Variants in SSC5D observed in about 807,000 individuals in gnomAD.
SSC5D encodes soluble scavenger receptor cysteine-rich domain-containing protein SSC5D.
Under a neutral mutation model 104.6 loss-of-function variants are expected in SSC5D, and 106 were observed. That is an observed-to-expected ratio of 1.01 (90% CI 0.87 to 1.19). The LOEUF (loss-of-function observed/expected upper bound fraction) is 1.19, where lower values mean the gene tolerates loss of function less well. Ranked by LOEUF, SSC5D falls within the 50% of genes most tolerant of loss-of-function variation. The pLI is 0.00. For synonymous variants in SSC5D, 860 were observed against 883.5 expected (o/e 0.97, Z 0.47); for missense variants, 1,993 against 2,153.8 (o/e 0.93, Z 1.48).
intron 6 of SSC5D, chr19:55,492,537 A>T (rs1987179045): frequency 6.6e-6 from 1 of 152,010 alleles, no homozygotes; most frequent in African/African-American, 2.4e-5. Context: ...TTTAATTCTC[A>T]TGGCAACCCC....
intron 8 of SSC5D, among the ~76,000 whole-genome samples, chr19:55,497,142 C>T (rs919056017): frequency 4.6e-5 from 7 of 152,228 alleles, no homozygotes; most frequent in African/African-American, 1.2e-4. Flanking sequence ...ACCTTCTCCT[C>T]GTTGTGTGTC....
intron 8 of SSC5D, 34 bp from the exon 9 acceptor site, chr19:55,497,846 C>T (rs1273338772): frequency 8.1e-6 from 12 of 1,486,988 alleles, no homozygotes; most frequent in East Asian, 5.0e-5. Flanking sequence ...GGCGGCTTCC[C>T]CGACTCTAAT....
chr19:55,490,191 A>AG, intron 4 of SSC5D, 107 bp from the exon 5 acceptor site: 1 of 621,512 alleles, frequency 1.6e-6, no homozygotes, highest in South Asian at 1.9e-5. Flanking sequence ...TTCATAGCCT[A>AG]GGGAGTCCTC....
chr19:55,505,897 C>A lies in SSC5D; in HGVS notation c.2785+4696C>A, dbSNP rs569255731. Among the ~76,000 whole-genome samples the A allele has an allele frequency of 9.9e-5, 15 of 151,700 alleles. No individual in the cohort carries two copies. The East Asian group carries it at 2.3e-3, about 23-fold the overall frequency. ...GATTACAGGCGTGTGCCACCACTCC[C>A]GGCTAATTTTTGTATTTTTAGTAGA... On this transcript the variant is annotated intron_variant, in intron 12 of 13. Transcript: ENST00000389623.
At position 55,501,000 on chromosome 19, in the gene SSC5D, G is replaced by A. The variant is rs888736592; in HGVS notation, c.2618-34G>A. The A allele has an allele frequency of 3.9e-6, 6 of 1,550,220 alleles. No homozygotes were observed. The highest frequency in any genetic ancestry group is 1.7e-4 in the Middle Eastern group (1 of 5,990). ...AGCAGCAAGGACCTCTGAGAAAGAG[G>A]ATGGGGTCAACCATTACCCCAATTT... On this transcript the variant is annotated intron_variant, in intron 11 of 13. Transcript: ENST00000389623. This position sits in a 1 kb window ranked among gnomAD's most constrained non-coding sequence, Gnocchi z 4.6.
chr19:55,501,451 G>A (rs922912575), intron 12 of SSC5D, among the ~76,000 whole-genome samples: 2 of 152,160 alleles, frequency 1.3e-5, no homozygotes, highest in Non-Finnish European at 2.9e-5. Context: ...TGGCCCTCCT[G>A]TAAGCCACAC....
chr19:55,504,246 A>T, intron 12 of SSC5D: 1 of 1,520,760 alleles, frequency 6.6e-7, no homozygotes, highest in Non-Finnish European at 8.8e-7. Flanking sequence ...CTGCGGAGAC[A>T]GCGGGTCCGG....
Position 55,497,941 on chromosome 19 carries a change from G to C in SSC5D, c.1449G>C (p.Trp483Cys). The change falls in exon 9 of 14, where the codon TGG becomes TGC. Residue 483 changes from tryptophan (W) to cysteine (C), a missense_variant. By Grantham distance (215) the Trp-to-Cys change is radical. Coordinates refer to ENST00000389623, the MANE Select transcript of SSC5D (RefSeq NM_001144950.2). Reference protein sequence around the residue: ...PSKCSGRLEVWHDQRWGTVCD... With the variant: ...PSKCSGRLEVCHDQRWGTVCD... Reference sequence around the variant, plus strand: ...AGTGCTCAGGTCGACTGGAGGTGTGGCATGACCAGCGCTGGGGGACCGTGT... The same window carrying C: ...AGTGCTCAGGTCGACTGGAGGTGTGCCATGACCAGCGCTGGGGGACCGTGT... 1 of 1,551,650 alleles carries C rather than the reference G, an allele frequency of 6.4e-7. No individual in the cohort carries two copies. Among genetic ancestry groups the C allele is most frequent in the Non-Finnish European group, 8.7e-7 (1 of 1,146,888 alleles).
chr19:55,489,497 G>A lies in SSC5D; in HGVS notation c.196G>A (p.Ala66Thr), dbSNP rs1438021263. 6.8e-6 allele frequency: 10 copies of A among 1,470,710 alleles called. No homozygotes were observed. The African/African-American group carries it at 7.1e-5, about 10-fold the overall frequency. 91.1% of individuals were successfully genotyped at this position (1,470,710 alleles called of 1,614,324 possible). Residue 66 changes from alanine to threonine, a missense_variant, in exon 3 of 14, where the codon GCA (alanine) becomes ACA (threonine). Coordinates refer to ENST00000389623, the MANE Select transcript of SSC5D (RefSeq NM_001144950.2). ...VACRQLGCGGALAAPGGAFFG... is the reference protein window; with the variant it reads ...VACRQLGCGGTLAAPGGAFFG... ...CTGCCGGCAGCTGGGCTGCGGAGGG[G>A]CACTGGCCGCCCCGGGAGGCGCCTT... is the stretch of plus-strand genomic sequence containing the variant.
intron 12 of SSC5D, among the ~76,000 whole-genome samples, chr19:55,505,611 A>G (rs941403991): frequency 1.3e-5 from 2 of 151,766 alleles, no homozygotes; most frequent in African/African-American, 2.4e-5. Context: ...CAGCTTCTAG[A>G]GGCCACCTAC....
intron 13 of SSC5D, among the ~76,000 whole-genome samples, chr19:55,516,454 G>A (rs559213794): frequency 2.0e-5 from 3 of 150,822 alleles, no homozygotes; most frequent in Non-Finnish European, 2.9e-5. Context: ...CCGAGATCAC[G>A]CCACTGCACT....
At chr19:55,494,095 G>C (rs1987242626) in intron 7 of SSC5D, among the ~76,000 whole-genome samples, 183 bp downstream of exon 7, 1 of 152,126 alleles carries the variant, frequency 6.6e-6, no homozygotes, top group South Asian at 2.1e-4. Flanking sequence ...GCTGGGGGTG[G>C]CTTTGCCCCC....
At position 55,519,047 on chromosome 19, in the gene SSC5D, A is replaced by C. The variant is rs2123464033; in HGVS notation, c.*49A>C. On this transcript the variant is annotated 3_prime_UTR_variant, in exon 14 of 14. Transcript: ENST00000389623. The stretch of plus-strand genomic sequence containing the variant: ...TAAGACACCCCCAACCAAAAAAAAC[A>C]AAAACAAAAAAAACCCCCAAAGTAT... The C allele has an allele frequency of 6.7e-7, 1 of 1,495,012 alleles. No individual in the cohort carries two copies. Among genetic ancestry groups the C allele is most frequent in the East Asian group, 2.5e-5 (1 of 40,698 alleles). The allele number at this position is 1,495,012 out of a possible 1,614,324, so 92.6% of individuals were successfully genotyped here.
At chr19:55,515,465 G>T (rs1987851262) in intron 13 of SSC5D, among the ~76,000 whole-genome samples, 2 of 150,886 alleles carry the variant, frequency 1.3e-5, no homozygotes, top group African/African-American at 2.4e-5. Context: ...CGGGCGCAGT[G>T]GCCACGCCTG....
chr19:55,501,096 G>A lies in SSC5D; in HGVS notation c.2680G>A (p.Ala894Thr). ...GGACCCCACCTCAAGAGAGGACCTG[G>A]CCAAGGGGACTACCACAGCGGGGGT... ...TWDPTSREDLAKGTTTAGVPG... is the reference protein window; with the variant it reads ...TWDPTSREDLTKGTTTAGVPG... The change falls in exon 12 of 14, where the codon GCC (alanine) becomes ACC (threonine). Residue 894 changes from alanine to threonine, a missense_variant. By Grantham distance (58) the Ala-to-Thr change is moderately conservative. This residue lies in a region of SSC5D where 423 missense variants were observed against 409.2 expected (regional missense o/e 1.03). Coordinates refer to ENST00000389623, the MANE Select transcript of SSC5D (RefSeq NM_001144950.2). 6.4e-7 allele frequency: 1 copy of A among 1,551,766 alleles called. No homozygotes were observed. Among genetic ancestry groups the A allele is most frequent in the East Asian group, 2.4e-5 (1 of 40,910 alleles).
chr19:55,490,748 G>GT, intron 5 of SSC5D, 24 bp from the exon 6 acceptor site: 1 of 1,467,130 alleles, frequency 6.8e-7, no homozygotes, highest in Non-Finnish European at 9.0e-7. Context: ...TGGCCACACC[G>GT]TCCCCTCCCT....
At chr19:55,502,369 C>T (rs1174111093) in intron 12 of SSC5D, among the ~76,000 whole-genome samples, 7 of 151,228 alleles carry the variant, frequency 4.6e-5, no homozygotes, top group Admixed American at 2.6e-4. Flanking sequence ...TTTTTTCTTT[C>T]GTTGTCAGTT....
chr19:55,490,493 C>T (rs991052115), intron 5 of SSC5D, 85 bp downstream of exon 5: 5 of 619,422 alleles, frequency 8.1e-6, no homozygotes, highest in South Asian at 2.0e-5. Flanking sequence ...TGCGGGCGCC[C>T]TCTCCTTAGC....
At position 55,517,992 on chromosome 19, in the gene SSC5D, C is replaced by T. The variant is rs1299836727; in HGVS notation, c.3716C>T (p.Pro1239Leu). ...QPTTTPHSTT[P>L]HPTTTPHPTT... The stretch of plus-strand genomic sequence containing the variant: ...ACCACAACCCCTCACTCCACAACCC[C>T]TCACCCCACCACGACCCCTCATCCC... The change falls in exon 14 of 14, where the codon CCT becomes CTT. Residue 1239 changes from proline to leucine, a missense_variant. Transcript: ENST00000389623. The T allele has an allele frequency of 2.4e-5, 37 of 1,521,916 alleles. 2 individuals carry two copies. The highest frequency in any genetic ancestry group is 1.7e-4 in the Middle Eastern group (1 of 5,948). The allele number at this position is 1,521,916 out of a possible 1,614,324, so 94.3% of individuals were successfully genotyped here.
Sources: gnomAD v4.1 joint callset for allele counts (sites outside exome capture counted in the v4.1 genomes callset) on GRCh38, gnomAD v4.1.1 for gene constraint, gnomAD v4.1.1 regional missense constraint, Gnocchi (gnomAD v3.1) non-coding constraint, MANE v1.5 for transcripts, NCBI Gene and HGNC (gene_info 2026-07-23, HGNC 2026-07-21) for gene names.